Variants in DAB1 observed in about 807,000 individuals in gnomAD.
DAB1 encodes disabled homolog 1.
DAB1 carries 15 observed loss-of-function variants against 64.6 expected under a neutral mutation model. The ratio of observed to expected loss-of-function variants is 0.23; its 90% CI spans 0.16 to 0.36. DAB1 has a LOEUF of 0.36. DAB1 is among the 10% of genes least tolerant of loss of function. DAB1 has a pLI of 1.00. For missense variants in DAB1, 596 were observed against 706.7 expected (o/e 0.84, Z 1.78); for synonymous variants, 235 against 251.9 (o/e 0.93, Z 0.64).
At chr1:58,404,809 C>T (rs967416966) in intron 3 of DAB1, among the ~76,000 whole-genome samples, 51 of 152,168 alleles carry the variant, frequency 3.4e-4, no homozygotes, top group African/African-American at 1.2e-3. Context: ...ACACTGTTAG[C>T]ACAGTGCCCA....
intron 6 of DAB1, among the ~76,000 whole-genome samples, chr1:57,779,336 A>G (rs942487764): frequency 2.6e-5 from 4 of 152,148 alleles, no homozygotes; most frequent in South Asian, 4.1e-4. Flanking sequence ...GGCCAGCGTG[A>G]CTGAAGCGAA....
At chr1:58,045,302 C>T (rs540805859) in intron 5 of DAB1, among the ~76,000 whole-genome samples, 3 of 152,280 alleles carry the variant, frequency 2.0e-5, no homozygotes, top group Non-Finnish European at 2.9e-5. Context: ...GTGGGCCTCA[C>T]CTACTCATTA....
At chr1:57,483,139 C>G in intron 7 of DAB1, among the ~76,000 whole-genome samples, 1 of 152,126 alleles carries the variant, frequency 6.6e-6, no homozygotes, top group South Asian at 2.1e-4. Context: ...CCAAAATGTG[C>G]ATTTCTTTTT....
chr1:57,743,228 G>A (rs1648087096), intron 6 of DAB1, among the ~76,000 whole-genome samples: 1 of 152,166 alleles, frequency 6.6e-6, no homozygotes, highest in Admixed American at 6.5e-5. Flanking sequence ...CACAAAAGAA[G>A]TAAAAATAGC....
At chr1:58,057,784 C>T (rs1436229983) in intron 5 of DAB1, among the ~76,000 whole-genome samples, 1 of 152,140 alleles carries the variant, frequency 6.6e-6, no homozygotes, top group East Asian at 1.9e-4. Context: ...TTAGGGAATA[C>T]ATATACCCAC....
chr1:58,322,410 C>T (rs559661232), intron 4 of DAB1, among the ~76,000 whole-genome samples: 138 of 152,172 alleles, frequency 9.1e-4, no homozygotes, highest in Non-Finnish European at 1.6e-3. Context: ...ACAAAAAACC[C>T]CATCAAAAAA....
intron 2 of DAB1, among the ~76,000 whole-genome samples, chr1:57,250,481 C>G (rs1021545880): frequency 1.1e-4 from 16 of 152,154 alleles, no homozygotes; most frequent in Admixed American, 1.0e-3. Context: ...ATCTTCCTTC[C>G]TCTATCACAT....
intron 5 of DAB1, among the ~76,000 whole-genome samples, chr1:58,008,325 A>G (rs1319549032): frequency 6.6e-6 from 1 of 152,136 alleles, no homozygotes; most frequent in Non-Finnish European, 1.5e-5. Flanking sequence ...TAATTATAAT[A>G]TAGGGTAAAG....
At chr1:57,814,195 C>T (rs2101888154) in intron 6 of DAB1, among the ~76,000 whole-genome samples, 1 of 152,340 alleles carries the variant, frequency 6.6e-6, no homozygotes, top group East Asian at 1.9e-4. Flanking sequence ...AGATGCAGAG[C>T]TGATCCTGAA....
chr1:58,357,404 A>C (rs1298815284), intron 3 of DAB1, among the ~76,000 whole-genome samples: 2 of 152,160 alleles, frequency 1.3e-5, no homozygotes, highest in Non-Finnish European at 2.9e-5. Flanking sequence ...CCGTTTCTGC[A>C]CAACAGGAAA....
intron 4 of DAB1, among the ~76,000 whole-genome samples, chr1:57,124,202 T>C (rs888215620): frequency 6.6e-6 from 1 of 152,244 alleles, no homozygotes; most frequent in Non-Finnish European, 1.5e-5. Context: ...ATTCCTTTTA[T>C]TATTGTATCA....
intron 1 of DAB1, among the ~76,000 whole-genome samples, chr1:57,335,318 T>G (rs926851097): frequency 2.0e-5 from 3 of 152,172 alleles, no homozygotes; most frequent in Admixed American, 1.3e-4. Context: ...TTCAATCATT[T>G]GGAAATGCTA....
intron 6 of DAB1, among the ~76,000 whole-genome samples, chr1:57,737,617 C>A (rs1250995013): frequency 6.6e-6 from 1 of 152,146 alleles, no homozygotes; most frequent in Non-Finnish European, 1.5e-5. Context: ...CAATAGTGAG[C>A]AGGAACAATG....
chr1:58,426,171 A>T (rs1644820270), intron 3 of DAB1, among the ~76,000 whole-genome samples: 2 of 152,178 alleles, frequency 1.3e-5, no homozygotes, highest in Non-Finnish European at 2.9e-5. Context: ...GGCCTAGAAA[A>T]GTTAAGTGGC....
At chr1:57,249,372 T>TTTTGTTTA (rs1420394753) in intron 2 of DAB1, among the ~76,000 whole-genome samples, 6 of 152,162 alleles carry the variant, frequency 3.9e-5, no homozygotes, top group Admixed American at 2.0e-4. Context: ...TTTGTTGTTG[T>TTTTGTTTA]TTTGTTTATT....
At chr1:57,418,254 C>T (rs571248921) in intron 1 of DAB1, among the ~76,000 whole-genome samples, 1 of 152,278 alleles carries the variant, frequency 6.6e-6, no homozygotes, top group East Asian at 1.9e-4. Flanking sequence ...TGCATATTCA[C>T]AGCTTTTCAA....
At chr1:58,441,167 G>T (rs751864965) in intron 3 of DAB1, among the ~76,000 whole-genome samples, 9 of 152,230 alleles carry the variant, frequency 5.9e-5, no homozygotes, top group Admixed American at 2.0e-4. Context: ...AGATGCAGGT[G>T]CTGGCCATAG....
chr1:57,963,977 A>T (rs981819704), intron 5 of DAB1, among the ~76,000 whole-genome samples: 3 of 152,150 alleles, frequency 2.0e-5, no homozygotes, highest in Non-Finnish European at 2.9e-5. Flanking sequence ...ATTGGACACC[A>T]TTTGCCTTTC....
intron 1 of DAB1, among the ~76,000 whole-genome samples, chr1:57,301,586 A>G (rs181583753): frequency 5.9e-5 from 9 of 152,328 alleles, no homozygotes; most frequent in Admixed American, 5.9e-4. Context: ...GGGATTTTAA[A>G]TAAACAAACG....
Sources: allele counts gnomAD v4.1 joint callset (sites outside exome capture counted in the v4.1 genomes callset), GRCh38; gene constraint gnomAD v4.1.1; transcripts MANE v1.5; gene names NCBI Gene and HGNC (gene_info 2026-07-23, HGNC 2026-07-21).